The following TBCCD1 variants were observed in gnomAD, a reference collection of about 807,000 sequenced individuals.
TBCCD1 encodes TBCC domain containing 1.
Under a neutral mutation model 53.4 loss-of-function variants are expected in TBCCD1, and 26 were observed. The observed-to-expected ratio is 0.49, with a 90% CI of 0.36 to 0.68. The LOEUF is 0.68. Ranked by LOEUF, TBCCD1 falls within the 30% of genes least tolerant of loss-of-function variation. The pLI, the probability that TBCCD1 is intolerant of heterozygous loss-of-function variation, is 0.00. For synonymous variants in TBCCD1, 245 were observed against 241.7 expected (o/e 1.01, Z -0.13); for missense variants, 558 against 669.5 (o/e 0.83, Z 1.84).
At chr3:186,569,623 C>G (rs1162509314), upstream of TBCCD1, among the ~76,000 whole-genome samples, 6 of 134,022 alleles carry the variant, frequency 4.5e-5, no homozygotes, top group African/African-American at 1.4e-4. Context: ...CGCGCCCGGG[C>G]TTTTTTTTTT....
At chr3:186,567,475 G>T (rs902294324), upstream of TBCCD1, 4 of 152,118 alleles carry the variant, frequency 2.6e-5, no homozygotes, top group African/African-American at 7.2e-5. Context: ...GGCTGGGGTC[G>T]AGAGTCCGCA....
At chr3:186,558,628 C>CT in intron 2 of TBCCD1, 56 bp from the exon 3 acceptor site, 1 of 1,567,242 alleles carries the variant, frequency 6.4e-7, no homozygotes, top group South Asian at 1.2e-5. Flanking sequence ...AACCACTAGT[C>CT]TAACAACTAA....
upstream of TBCCD1, among the ~76,000 whole-genome samples, chr3:186,569,455 G>A (rs56842842): frequency 0.27 from 40,877 of 151,208 alleles, 7,031 homozygotes; most frequent in African/African-American, 0.49. Context: ...AGCAGCTGGG[G>A]TTACAGGCGC....
rs765863875 is a variant in TBCCD1, at chr3:186,554,264, G to C, written c.1534C>G (p.His512Asp). Residue 512 changes from histidine (H) to aspartate (D), a missense_variant, in exon 6 of 8, where the codon CAT becomes GAT. Coordinates refer to ENST00000338733, the MANE Select transcript of TBCCD1 (RefSeq NM_018138.5). ...QIWQKTVKEA[H>D]LTKDQRKQFQ... ...GTAAAAAATACTCACTTTGTCAAAT[G>C]AGCCTCCTTCACAGTTTTCTGCCAG... 1 of 1,612,160 alleles carries C rather than the reference G, an allele frequency of 6.2e-7. No individual in the cohort carries two copies. The highest frequency in any genetic ancestry group is 1.7e-5 in the Admixed American group (1 of 59,270).
chr3:186,550,309 G>A (rs1386330029), intron 7 of TBCCD1, among the ~76,000 whole-genome samples: 1 of 151,804 alleles, frequency 6.6e-6, no homozygotes, highest in Non-Finnish European at 1.5e-5. Flanking sequence ...TTGGGGCTGG[G>A]CGCAGTGGTT....
Position 186,564,251 on chromosome 3 carries a change from T to G in TBCCD1, c.79A>C (p.Lys27Gln), listed in dbSNP as rs1445594557. 6.2e-7 allele frequency: 1 copy of G among 1,613,988 alleles called. No homozygotes were observed. The highest frequency in any genetic ancestry group is 8.5e-7 in the Non-Finnish European group (1 of 1,180,002). Residue 27 changes from lysine to glutamine, a missense_variant, in exon 2 of 8, where the codon AAG becomes CAG. Physicochemically the swap from Lys to Gln is moderately conservative, Grantham distance 53. Transcript: ENST00000338733. The part of the protein sequence containing the change: ...VGALQVPPPS[K>Q]FSLHYLRKIS... Reference sequence around the variant, plus strand: ...TTCCTGAGATAGTGAAGACTAAACTTGGATGGAGGGGGGACCTGCAAGGCA... The same window carrying G: ...TTCCTGAGATAGTGAAGACTAAACTGGGATGGAGGGGGGACCTGCAAGGCA...
intron 7 of TBCCD1, among the ~76,000 whole-genome samples, chr3:186,549,611 T>C (rs1019380729): frequency 3.3e-5 from 5 of 152,242 alleles, no homozygotes; most frequent in Non-Finnish European, 5.9e-5. Flanking sequence ...TGAGCTATGA[T>C]TGTGCCACTG....
chr3:186,564,154 T>C lies in TBCCD1; in HGVS notation c.176A>G (p.His59Arg). Residue 59 changes from histidine to arginine, a missense_variant, in exon 2 of 8, where the codon CAC (histidine) becomes CGC (arginine). Transcript: ENST00000338733. ...CAACTGCAGCTTCCCACAAGCGATG[T>C]GCCTCCATGTAGACCAGTAGAGGCG... ...YPRLYWSTWR[H>R]IACGKLQLAK... 2 of 1,614,214 alleles carry C rather than the reference T, an allele frequency of 1.2e-6. No homozygotes were observed. Among genetic ancestry groups the C allele is most frequent in the Non-Finnish European group, 8.5e-7 (1 of 1,180,040 alleles).
At chr3:186,557,141 C>T (rs1217872171) in intron 3 of TBCCD1, among the ~76,000 whole-genome samples, 1 of 152,174 alleles carries the variant, frequency 6.6e-6, no homozygotes, top group Admixed American at 6.5e-5. Flanking sequence ...CACCCCGGTC[C>T]AATCAGTTAC....
At position 186,558,431 on chromosome 3, in the gene TBCCD1, T is replaced by C; in HGVS notation, c.478A>G (p.Asn160Asp). The C allele has an allele frequency of 1.9e-6, 3 of 1,614,000 alleles. No homozygotes were observed. Among genetic ancestry groups the C allele is most frequent in the Non-Finnish European group, 1.7e-6 (2 of 1,179,978 alleles). Residue 160 changes from asparagine to aspartate, a missense_variant, in exon 3 of 8, where the codon AAT becomes GAT. By Grantham distance (23) the Asn-to-Asp change is conservative. Transcript: ENST00000338733. ...SQSPDLTEKS[N>D]CHNKNWNDYS... ...ATAAGGAGTACCTTATTATGACAAT[T>C]AGATTTTTCAGTCAGGTCAGGAGAC... is the stretch of plus-strand genomic sequence containing the variant.
chr3:186,552,892 T>C (rs1714420353), intron 6 of TBCCD1, among the ~76,000 whole-genome samples: 1 of 152,188 alleles, frequency 6.6e-6, no homozygotes. Context: ...GTAAGATGAC[T>C]GCTGTATGCC....
At chr3:186,562,852 A>G (rs538507820) in intron 2 of TBCCD1, among the ~76,000 whole-genome samples, 1 of 152,304 alleles carries the variant, frequency 6.6e-6, no homozygotes, top group African/African-American at 2.4e-5. Flanking sequence ...AAAAAGAGAC[A>G]TCATGAGTTT....
At chr3:186,551,035 T>A (rs1714357558) in intron 7 of TBCCD1, 94 bp downstream of exon 7, 3 of 1,341,598 alleles carry the variant, frequency 2.2e-6, no homozygotes, top group Non-Finnish European at 3.0e-6. Context: ...GTAGAAAAAA[T>A]TTGGGCATGT....
chr3:186,564,439 G>T, intron 1 of TBCCD1, 67 bp from the exon 2 acceptor site: 1 of 1,068,344 alleles, frequency 9.4e-7, no homozygotes, highest in Non-Finnish European at 1.3e-6. Context: ...TTTCTTGGAA[G>T]GTGACCCCTC....
chr3:186,557,815 C>T (rs926470496), intron 3 of TBCCD1, among the ~76,000 whole-genome samples: 1 of 152,050 alleles, frequency 6.6e-6, no homozygotes, highest in African/African-American at 2.4e-5. Flanking sequence ...TTTTTCTTAG[C>T]TTTAGAACAT....
At position 186,554,711 on chromosome 3, in the gene TBCCD1, A is replaced by G. The variant is rs1238672255; in HGVS notation, c.1087T>C (p.Leu363=). The change falls in exon 6 of 8, where the codon TTG becomes CTG. Residue 363 remains leucine (L), a synonymous_variant. Transcript: ENST00000338733. ...IEKCRNSIFV[L]GPVGTTLHLH... Reference sequence around the variant, plus strand: ...TGAAGTGTAGTCCCTACAGGGCCCAAGACAAAGATGCTATTCCTGCACTTC... The same window carrying G: ...TGAAGTGTAGTCCCTACAGGGCCCAGGACAAAGATGCTATTCCTGCACTTC... 6.2e-7 allele frequency: 1 copy of G among 1,614,172 alleles called. No homozygotes were observed. The highest frequency in any genetic ancestry group is 2.2e-5 in the East Asian group (1 of 44,892).
chr3:186,559,155 A>G (rs762562542), intron 2 of TBCCD1, among the ~76,000 whole-genome samples: 2 of 152,224 alleles, frequency 1.3e-5, no homozygotes, highest in Non-Finnish European at 2.9e-5. Context: ...TGTAGTACAT[A>G]CTTTAAGTAC....
intron 1 of TBCCD1, among the ~76,000 whole-genome samples, chr3:186,566,365 T>C (rs1714830822): frequency 6.6e-6 from 1 of 152,164 alleles, no homozygotes; most frequent in Admixed American, 6.5e-5. Context: ...CTCTCGAGAA[T>C]CATCTGTTCG....
Position 186,564,332 on chromosome 3 carries a change from T to C in TBCCD1, c.-3A>G. 1.2e-6 allele frequency: 2 copies of C among 1,600,472 alleles called. No homozygotes were observed. The highest frequency in any genetic ancestry group is 1.7e-6 in the Non-Finnish European group (2 of 1,172,400). ...AGGAGAACTCTGGACTGATCCATAT[T>C]ATCTCTAAGGACATCAGGGTGAAAA... On this transcript the variant is annotated 5_prime_UTR_variant, in exon 2 of 8. The change creates a new upstream start codon in the 5' untranslated region. Coordinates refer to ENST00000338733, the MANE Select transcript of TBCCD1 (RefSeq NM_018138.5).
Sources: allele counts gnomAD v4.1 joint callset (sites outside exome capture counted in the v4.1 genomes callset), GRCh38; gene constraint gnomAD v4.1.1; transcripts MANE v1.5; gene names NCBI Gene and HGNC (gene_info 2026-07-23, HGNC 2026-07-21).